Variants in CTNND2 observed in about 807,000 individuals in gnomAD.
CTNND2 encodes catenin delta 2, also known as catenin delta-2.
CTNND2 carries 22 observed loss-of-function variants against 144.4 expected under a neutral mutation model. The ratio of observed to expected loss-of-function variants is 0.15; its 90% confidence interval spans 0.11 to 0.22. The LOEUF (loss-of-function observed/expected upper bound fraction) is 0.22. Among genes scored for constraint, CTNND2 ranks in the 10% least tolerant of loss-of-function variants. The pLI is 1.00. For synonymous variants in CTNND2, 751 were observed against 695.6 expected, an observed-to-expected ratio of 1.08 and a Z score of -1.25; for missense variants, 1,353 against 1,618.8, an observed-to-expected ratio of 0.84 and a Z score of 2.82.
At chr5:11,231,609 G>T (rs748922257) in intron 10 of CTNND2, among the ~76,000 whole-genome samples, 16 of 152,298 alleles carry the variant, frequency 1.1e-4, no homozygotes, top group Middle Eastern at 6.8e-3. Flanking sequence ...TTATGTGGCA[G>T]AAGAAATTTC....
intron 10 of CTNND2, among the ~76,000 whole-genome samples, chr5:11,213,909 G>A (rs769925954): frequency 2.6e-5 from 4 of 152,008 alleles, no homozygotes; most frequent in Admixed American, 6.6e-5. Flanking sequence ...AGTGAAAATC[G>A]TTCAGAAAGG....
intron 14 of CTNND2, among the ~76,000 whole-genome samples, chr5:11,109,665 T>C (rs1752760309): frequency 6.6e-6 from 1 of 152,194 alleles, no homozygotes; most frequent in African/African-American, 2.4e-5. Context: ...GGTATAAATT[T>C]CTCTGAAAAA....
At chr5:11,254,537 G>C (rs191041234) in intron 9 of CTNND2, among the ~76,000 whole-genome samples, 2 of 152,140 alleles carry the variant, frequency 1.3e-5, no homozygotes, top group African/African-American at 4.8e-5. Flanking sequence ...TATCAGAGGT[G>C]CAGGCTGTGG....
intron 16 of CTNND2, among the ~76,000 whole-genome samples, chr5:11,076,810 A>G (rs1364211824): frequency 1.3e-5 from 2 of 152,214 alleles, no homozygotes; most frequent in Non-Finnish European, 2.9e-5. Context: ...AGAAAGATGA[A>G]TGATTCCTTA....
intron 2 of CTNND2, among the ~76,000 whole-genome samples, chr5:11,680,016 C>G (rs1438521400): frequency 1.3e-5 from 2 of 152,098 alleles, no homozygotes; most frequent in Non-Finnish European, 1.5e-5. Flanking sequence ...GATTATGTTT[C>G]TCGAGAAAGG....
intron 2 of CTNND2, among the ~76,000 whole-genome samples, chr5:11,646,558 A>G (rs1233784115): frequency 6.6e-6 from 1 of 152,222 alleles, no homozygotes; most frequent in African/African-American, 2.4e-5. Context: ...TGTTGGATAC[A>G]TACTTCCAAA....
intron 2 of CTNND2, among the ~76,000 whole-genome samples, chr5:11,625,132 G>A (rs114104366): frequency 0.01 from 1,587 of 152,132 alleles, 14 homozygotes; most frequent in East Asian, 0.027. Context: ...AAACAACGAC[G>A]TTACATGAAA....
intron 13 of CTNND2, among the ~76,000 whole-genome samples, chr5:11,112,985 T>A (rs11133639): frequency 0.14 from 21,662 of 151,706 alleles, 2,447 homozygotes; most frequent in East Asian, 0.45. Flanking sequence ...TACTAAAAAT[T>A]CAAAAATTAG....
Position 11,818,870 on chromosome 5 carries a change from G to C in CTNND2, c.37+84947C>G, listed in dbSNP as rs145479201. Reference sequence around the variant, plus strand: ...TCAACTCTGGTTTTGGATTATAGCGGGTTTCCTCTCCTCAGCAAAGAGTTG... The same window carrying C: ...TCAACTCTGGTTTTGGATTATAGCGCGTTTCCTCTCCTCAGCAAAGAGTTG... On this transcript the variant is annotated intron_variant, in intron 1 of 21. Transcript: ENST00000304623. Among the ~76,000 whole-genome samples the C allele has an allele frequency of 3.7e-3, 569 of 152,298 alleles. 4 individuals carry two copies. The highest frequency in any genetic ancestry group is 0.013 in the African/African-American group (532 of 41,552).
intron 1 of CTNND2, among the ~76,000 whole-genome samples, chr5:11,831,711 T>A (rs370024988): frequency 4.2e-4 from 62 of 149,358 alleles, no homozygotes; most frequent in African/African-American, 1.4e-3. Flanking sequence ...CCCTCATAAA[T>A]GAGAGCCACT....
chr5:11,314,623 T>C (rs1380304995), intron 9 of CTNND2, among the ~76,000 whole-genome samples: 1 of 152,252 alleles, frequency 6.6e-6, no homozygotes, highest in Non-Finnish European at 1.5e-5. Flanking sequence ...TGCCTCAGCC[T>C]CCAAGATTGC....
chr5:11,406,009 C>A (rs1005575219), intron 5 of CTNND2, among the ~76,000 whole-genome samples: 8 of 151,950 alleles, frequency 5.3e-5, no homozygotes, highest in African/African-American at 1.9e-4. Context: ...ATTAGCCAGG[C>A]GTAGTGGGGC....
intron 1 of CTNND2, among the ~76,000 whole-genome samples, chr5:11,831,875 A>C (rs2126963623): frequency 6.6e-6 from 1 of 152,290 alleles, no homozygotes; most frequent in Non-Finnish European, 1.5e-5. Context: ...ATCTAATGTA[A>C]AAGTTAATAT....
intron 9 of CTNND2, among the ~76,000 whole-genome samples, chr5:11,240,267 C>T (rs1390259135): frequency 1.4e-4 from 19 of 135,836 alleles, no homozygotes; most frequent in African/African-American, 3.9e-4. Context: ...CCAACACACA[C>T]ACACCCAACA....
At chr5:11,382,825 A>G (rs1758651095) in intron 7 of CTNND2, among the ~76,000 whole-genome samples, 1 of 152,100 alleles carries the variant, frequency 6.6e-6, no homozygotes, top group Non-Finnish European at 1.5e-5. Flanking sequence ...CTCGAATGGT[A>G]TCAAGCACAC....
chr5:11,901,759 G>A (rs1737908127), intron 1 of CTNND2, among the ~76,000 whole-genome samples: 1 of 152,092 alleles, frequency 6.6e-6, no homozygotes, highest in Admixed American at 6.5e-5. Flanking sequence ...CACATATACA[G>A]TATATGTAGT....
At chr5:11,697,825 G>A (rs76857559) in intron 2 of CTNND2, among the ~76,000 whole-genome samples, 3,253 of 152,208 alleles carry the variant, frequency 0.021, 115 homozygotes, top group African/African-American at 0.074. Context: ...TTTCTTAGCA[G>A]GGATAATTTA....
intron 1 of CTNND2, among the ~76,000 whole-genome samples, chr5:11,865,985 C>T (rs191051080): frequency 6.6e-6 from 1 of 150,416 alleles, no homozygotes. Context: ...CCAACTGACA[C>T]CCACATAGAG....
intron 10 of CTNND2, among the ~76,000 whole-genome samples, chr5:11,213,184 C>T (rs1260345293): frequency 6.6e-6 from 1 of 151,982 alleles, no homozygotes; most frequent in Non-Finnish European, 1.5e-5. Flanking sequence ...TGTTCTGAGC[C>T]CCAGCAAGGT....
Sources: gnomAD v4.1 joint callset for allele counts (sites outside exome capture counted in the v4.1 genomes callset) on GRCh38, gnomAD v4.1.1 for gene constraint, MANE v1.5 for transcripts, NCBI Gene and HGNC (gene_info 2026-07-23, HGNC 2026-07-21) for gene names.